BRAF: variants seen among roughly 807,000 people sequenced by gnomAD.
BRAF encodes the protein serine/threonine-protein kinase B-raf.
In BRAF, 16 loss-of-function variants were observed where a neutral mutation model predicts 104.6. That is an observed-to-expected ratio of 0.15 (90% CI 0.10 to 0.23). BRAF has a LOEUF of 0.23. Ranked by LOEUF, BRAF falls within the 10% of genes least tolerant of loss-of-function variation. BRAF has a pLI of 1.00. For missense variants in BRAF, 541 were observed against 937.3 expected (o/e 0.58, Z 5.52); for synonymous variants, 310 against 341.6 (o/e 0.91, Z 1.02).
At chr7:140,830,742 T>C (rs997154378) in intron 3 of BRAF, among the ~76,000 whole-genome samples, 2 of 152,228 alleles carry the variant, frequency 1.3e-5, no homozygotes, top group African/African-American at 4.8e-5. Flanking sequence ...GCAATGTTCC[T>C]AGAGCTTCCA....
rs544802760 is a variant in BRAF at position 140,780,763 on chromosome 7, T to C, written c.1552+813A>G. On this transcript the variant is annotated intron_variant, in intron 12 of 19. Transcript: ENST00000644969. ...GATACATGTTCACTTTCACTTTTCATTGATATTAAACCTTTGATGAAAATA... is the reference window on the plus strand; with the variant it reads ...GATACATGTTCACTTTCACTTTTCACTGATATTAAACCTTTGATGAAAATA... The C allele has an allele frequency of 7.2e-5, 11 of 152,326 alleles. No individual in the cohort carries two copies. In the East Asian group the frequency reaches 1.2e-3, roughly 16 times the overall value. 9.4% of individuals were successfully genotyped at this position (152,326 alleles called of 1,614,324 possible).
At chr7:140,760,172 G>C (rs1402620122) in intron 14 of BRAF, among the ~76,000 whole-genome samples, 1 of 152,120 alleles carries the variant, frequency 6.6e-6, no homozygotes, top group East Asian at 1.9e-4. Context: ...CAGCACTTTG[G>C]GATGCCGAGA....
chr7:140,879,018 G>T (rs1436422137), intron 1 of BRAF, among the ~76,000 whole-genome samples: 1 of 151,884 alleles, frequency 6.6e-6, no homozygotes, highest in African/African-American at 2.4e-5. Context: ...GGGATTACAG[G>T]CATGCACCAC....
At position 140,722,942 on chromosome 7, in the gene BRAF, T is replaced by C; in HGVS notation, c.*3552A>G. On this transcript the variant is annotated 3_prime_UTR_variant, in exon 20 of 20. Transcript: ENST00000644969. ...ACAGTATTACTGCTTAAATGTATAA[T>C]GCCCTTTAGGACAAAATGAGAGTGC... 3.8e-6 allele frequency: 4 copies of C among 1,055,102 alleles called. No individual in the cohort carries two copies. The highest frequency in any genetic ancestry group is 4.6e-6 in the Non-Finnish European group (4 of 873,042). The allele number at this position is 1,055,102 out of a possible 1,614,324, so 65.4% of individuals were successfully genotyped here.
intron 14 of BRAF, among the ~76,000 whole-genome samples, chr7:140,762,756 C>G (rs1406858258): frequency 6.6e-6 from 1 of 152,074 alleles, no homozygotes; most frequent in Non-Finnish European, 1.5e-5. Context: ...ACCCTGCGGC[C>G]TTCCGCAGTG....
intron 3 of BRAF, among the ~76,000 whole-genome samples, chr7:140,831,878 T>G (rs189143627): frequency 6.6e-6 from 1 of 152,340 alleles, no homozygotes; most frequent in East Asian, 1.9e-4. Flanking sequence ...CTAATTACTC[T>G]GACGACTACC....
At chr7:140,894,513 G>A (rs1310876074) in intron 1 of BRAF, among the ~76,000 whole-genome samples, 1 of 152,086 alleles carries the variant, frequency 6.6e-6, no homozygotes, top group Non-Finnish European at 1.5e-5. Flanking sequence ...GCTGGGGAAA[G>A]GGAGGTATAA....
chr7:140,903,617 A>G (rs947325888), intron 1 of BRAF, among the ~76,000 whole-genome samples: 9 of 152,196 alleles, frequency 5.9e-5, no homozygotes, highest in African/African-American at 2.2e-4. Context: ...TTTAAGAAGT[A>G]CCTTTCATTG....
intron 14 of BRAF, among the ~76,000 whole-genome samples, chr7:140,756,240 C>T (rs191522385): frequency 8.2e-4 from 125 of 152,288 alleles, no homozygotes; most frequent in South Asian, 3.5e-3. Flanking sequence ...TGAAACAACA[C>T]TTTATACCTG....
chr7:140,762,955 A>C (rs1798903224), intron 14 of BRAF, among the ~76,000 whole-genome samples: 2 of 152,234 alleles, frequency 1.3e-5, no homozygotes, highest in South Asian at 4.1e-4. Context: ...ATCACAAGGC[A>C]GAAGAATTTT....
At chr7:140,918,022 T>C (rs1034803356) in intron 1 of BRAF, among the ~76,000 whole-genome samples, 4 of 152,204 alleles carry the variant, frequency 2.6e-5, no homozygotes, top group South Asian at 2.1e-4. Flanking sequence ...ACCCTTAAGA[T>C]TGCTGACCTC....
chr7:140,725,026 C>A lies in BRAF; in HGVS notation c.*1468G>T. On this transcript the variant is annotated 3_prime_UTR_variant, in exon 20 of 20. Transcript: ENST00000644969. Reference sequence around the variant, plus strand: ...AACAACTGATGACAGCTTTCCCACACCCTCCCTCAGTCCTAATATCCCTAA... The same window carrying A: ...AACAACTGATGACAGCTTTCCCACAACCTCCCTCAGTCCTAATATCCCTAA... 3 of 1,047,254 alleles carry A rather than the reference C, an allele frequency of 2.9e-6. No homozygotes were observed. The highest frequency in any genetic ancestry group is 3.5e-6 in the Non-Finnish European group (3 of 867,894). 64.9% of individuals were successfully genotyped at this position (1,047,254 alleles called of 1,614,324 possible).
At chr7:140,775,602 G>A (rs1341718449) in intron 14 of BRAF, among the ~76,000 whole-genome samples, 1 of 152,076 alleles carries the variant, frequency 6.6e-6, no homozygotes, top group Non-Finnish European at 1.5e-5. Flanking sequence ...GCCTCCCATA[G>A]TTCTGGGATT....
chr7:140,739,624 T>C (rs185628358), intron 18 of BRAF, among the ~76,000 whole-genome samples, 188 bp downstream of exon 17: 3 of 152,194 alleles, frequency 2.0e-5, no homozygotes, highest in Non-Finnish European at 4.4e-5. Flanking sequence ...TATTTTGTAT[T>C]AGGACCCAAA....
At chr7:140,792,774 C>T (rs1464570730) in intron 8 of BRAF, among the ~76,000 whole-genome samples, 2 of 152,206 alleles carry the variant, frequency 1.3e-5, no homozygotes, top group African/African-American at 4.8e-5. Context: ...TTGCCTAACA[C>T]AATGCATAGC....
At chr7:140,889,999 T>C (rs1563019673) in intron 1 of BRAF, among the ~76,000 whole-genome samples, 1 of 152,166 alleles carries the variant, frequency 6.6e-6, no homozygotes, top group East Asian at 1.9e-4. Flanking sequence ...ATCTAACTCT[T>C]AGGGTTGTGG....
intron 1 of BRAF, among the ~76,000 whole-genome samples, chr7:140,859,777 TC>T (rs1260564798): frequency 1.4e-5 from 2 of 147,756 alleles, no homozygotes; most frequent in African/African-American, 2.5e-5. Context: ...AACCTCCGCC[TC>T]CTGGGTTCAA....
chr7:140,845,278 T>C lies in BRAF; in HGVS notation c.240+4833A>G, dbSNP rs576840118. Among the ~76,000 whole-genome samples, 13 of 152,232 alleles carry C rather than the reference T, an allele frequency of 8.5e-5. No individual in the cohort carries two copies. The South Asian group carries it at 2.5e-3, about 29-fold the overall frequency. The stretch of plus-strand genomic sequence containing the variant: ...GATCAAAGACCCAAATGCAAGAGCA[T>C]TTGGGAGAAGAATGTCATGGCATTG... On this transcript the variant is annotated intron_variant, in intron 2 of 19. Transcript: ENST00000644969.
At chr7:140,844,889 C>T (rs1808382498) in intron 2 of BRAF, among the ~76,000 whole-genome samples, 1 of 151,598 alleles carries the variant, frequency 6.6e-6, no homozygotes, top group African/African-American at 2.4e-5. Context: ...CACTGCACTC[C>T]AGCCTGGGTG....
Sources: gnomAD v4.1 joint callset for allele counts (sites outside exome capture counted in the v4.1 genomes callset) on GRCh38, gnomAD v4.1.1 for gene constraint, MANE v1.5 for transcripts, NCBI Gene and HGNC (gene_info 2026-07-23, HGNC 2026-07-21) for gene names.